The following SNTG1 variants were observed in gnomAD, a reference collection of about 807,000 sequenced individuals.
SNTG1 encodes gamma-1-syntrophin.
Under a neutral mutation model 74.7 loss-of-function variants are expected in SNTG1, and 39 were observed. The ratio of observed to expected loss-of-function variants is 0.52; its 90% CI spans 0.40 to 0.68. The LOEUF (loss-of-function observed/expected upper bound fraction) is 0.68, where lower values mean the gene tolerates loss of function less well. Ranked by LOEUF, SNTG1 falls within the 30% of genes least tolerant of loss-of-function variation. The probability of loss-of-function intolerance (pLI) is 0.00; values close to 1 mark genes in which losing one functional copy is unlikely to be tolerated. For missense variants in SNTG1, 685 were observed against 609.5 expected, an observed-to-expected ratio of 1.12 and a Z score of -1.30; for synonymous variants, 254 against 217.1, an observed-to-expected ratio of 1.17 and a Z score of -1.49.
chr8:49,986,859 G>GATAGAGTTTAT (rs1813208377), intron 1 of SNTG1, among the ~76,000 whole-genome samples: 1 of 152,136 alleles, frequency 6.6e-6, no homozygotes, highest in Non-Finnish European at 1.5e-5. Flanking sequence ...GTCAGAGTGA[G>GATAGAGTTTAT]CCACGGTCTC....
At chr8:49,942,538 C>T (rs1360224694) in intron 1 of SNTG1, among the ~76,000 whole-genome samples, 3 of 151,916 alleles carry the variant, frequency 2.0e-5, no homozygotes, top group Admixed American at 6.6e-5. Flanking sequence ...GTTCTTTTTT[C>T]TGCTTCAAGA....
rs141697208 is a variant in SNTG1 at position 49,963,960 on chromosome 8, A to G, written c.-103+51729A>G. On this transcript the variant is annotated intron_variant, in intron 1 of 18. Transcript: ENST00000642720. ...CAAAATGAGAAAAATAGCTTGCATC[A>G]AATCCATTAAATTCCCAGAAGTTAT... is the stretch of plus-strand genomic sequence containing the variant. Among the ~76,000 whole-genome samples, 282 of 152,312 alleles carry G rather than the reference A, an allele frequency of 1.9e-3. 1 individual carries two copies. Among genetic ancestry groups the G allele is most frequent in the East Asian group, 6.8e-3 (35 of 5,178 alleles).
intron 13 of SNTG1, among the ~76,000 whole-genome samples, chr8:50,629,368 G>T (rs1469484906): frequency 6.6e-6 from 1 of 151,900 alleles, no homozygotes; most frequent in Non-Finnish European, 1.5e-5. Flanking sequence ...AGTTTACATA[G>T]AGACTATGCT....
At chr8:50,421,284 C>T (rs1001990491) in intron 4 of SNTG1, among the ~76,000 whole-genome samples, 20 of 152,084 alleles carry the variant, frequency 1.3e-4, no homozygotes, top group Non-Finnish European at 1.5e-4. Flanking sequence ...GGCAGAGAAG[C>T]GTTCGGGGCT....
rs185242559 is a variant in SNTG1 at position 50,367,901 on chromosome 8, G to T, written c.-27-26311G>T. Among the ~76,000 whole-genome samples, 15 of 152,232 alleles carry T rather than the reference G, an allele frequency of 9.9e-5. 1 individual carries two copies. The highest frequency in any genetic ancestry group is 3.6e-4 in the African/African-American group (15 of 41,538). On this transcript the variant is annotated intron_variant, in intron 2 of 18. Transcript: ENST00000642720. ...GCTGCTATAACTAATACCTAAAAAT[G>T]TGGACCTGGCTTGGCCTTGGCTTGG...
chr8:50,547,443 C>G (rs943997807), intron 11 of SNTG1, among the ~76,000 whole-genome samples: 2 of 152,114 alleles, frequency 1.3e-5, no homozygotes, highest in Non-Finnish European at 2.9e-5. Context: ...ATATATGAAT[C>G]TCTTTGGAAA....
At chr8:49,960,388 G>A (rs1810568748) in intron 1 of SNTG1, among the ~76,000 whole-genome samples, 1 of 152,094 alleles carries the variant, frequency 6.6e-6, no homozygotes, top group Admixed American at 6.6e-5. Flanking sequence ...AATAAAGTAG[G>A]TAATGAAGGG....
At chr8:50,668,714 T>C (rs1020558582) in intron 15 of SNTG1, among the ~76,000 whole-genome samples, 2 of 151,856 alleles carry the variant, frequency 1.3e-5, no homozygotes, top group African/African-American at 4.8e-5. Flanking sequence ...TGTGTTCTCA[T>C]AGTTCAACTT....
intron 1 of SNTG1, among the ~76,000 whole-genome samples, chr8:50,074,966 G>A (rs140463304): frequency 7.8e-4 from 119 of 152,292 alleles, no homozygotes; most frequent in Admixed American, 2.7e-3. Context: ...GCGGCCTGCC[G>A]GCGCCACTGG....
chr8:50,655,981 G>C (rs942197887), intron 13 of SNTG1, among the ~76,000 whole-genome samples: 1 of 152,066 alleles, frequency 6.6e-6, no homozygotes, highest in Admixed American at 6.5e-5. Flanking sequence ...AAAAGCACAA[G>C]ATACTAAGCT....
chr8:50,488,509 A>G (rs2093819530), intron 8 of SNTG1, among the ~76,000 whole-genome samples: 1 of 152,112 alleles, frequency 6.6e-6, no homozygotes, highest in South Asian at 2.1e-4. Context: ...CTCTCCACAC[A>G]GCTCTGCTCT....
intron 12 of SNTG1, among the ~76,000 whole-genome samples, chr8:50,579,133 T>G (rs2094593881): frequency 6.6e-6 from 1 of 152,284 alleles, no homozygotes; most frequent in South Asian, 2.1e-4. Flanking sequence ...GATAGTGATA[T>G]GGACAATGAA....
chr8:49,934,385 A>G (rs1343774928), intron 1 of SNTG1, among the ~76,000 whole-genome samples: 1 of 152,076 alleles, frequency 6.6e-6, no homozygotes, highest in Non-Finnish European at 1.5e-5. Flanking sequence ...TTTTTGTAAT[A>G]TTATCATGTA....
At chr8:50,547,316 C>CATT (rs1329642475) in intron 11 of SNTG1, among the ~76,000 whole-genome samples, 2 of 152,124 alleles carry the variant, frequency 1.3e-5, no homozygotes, top group African/African-American at 4.8e-5. Flanking sequence ...AACTAAATAC[C>CATT]ATTAAGACCC....
At chr8:50,579,570 G>C (rs1414824259) in intron 12 of SNTG1, among the ~76,000 whole-genome samples, 1 of 152,134 alleles carries the variant, frequency 6.6e-6, no homozygotes, top group East Asian at 1.9e-4. Flanking sequence ...AGGCCCCCCT[G>C]CTATGTGCAT....
At chr8:49,920,856 A>G (rs928188858) in intron 1 of SNTG1, among the ~76,000 whole-genome samples, 21 of 152,262 alleles carry the variant, frequency 1.4e-4, no homozygotes, top group African/African-American at 5.1e-4. Flanking sequence ...TTAAAACTAA[A>G]TGACTAGATG....
intron 18 of SNTG1, chr8:50,762,675 C>T: frequency 2.1e-6 from 1 of 468,164 alleles, no homozygotes; most frequent in South Asian, 1.6e-5. Context: ...ACAGCCTGAC[C>T]TGTCTTCTAC....
intron 2 of SNTG1, among the ~76,000 whole-genome samples, chr8:50,298,018 A>G (rs2089470534): frequency 1.0e-5 from 1 of 95,842 alleles, no homozygotes; most frequent in African/African-American, 4.0e-5. Context: ...TTATGTCACA[A>G]TCCTGTTGAA....
chr8:50,207,675 T>C (rs1209283053), intron 2 of SNTG1, among the ~76,000 whole-genome samples: 1 of 152,224 alleles, frequency 6.6e-6, no homozygotes, highest in Non-Finnish European at 1.5e-5. Context: ...CAATTTTACA[T>C]CTTTCCTGCT....
Sources: allele counts gnomAD v4.1 joint callset (sites outside exome capture counted in the v4.1 genomes callset), GRCh38; gene constraint gnomAD v4.1.1; transcripts MANE v1.5; gene names NCBI Gene and HGNC (gene_info 2026-07-23, HGNC 2026-07-21).